Variants in ITFG1 observed in about 807,000 individuals in gnomAD.
ITFG1 encodes integrin alpha FG-GAP repeat containing 1.
Under a neutral mutation model 81.8 loss-of-function variants are expected in ITFG1, and 34 were observed. The observed-to-expected ratio is 0.42, with a 90% CI of 0.32 to 0.55. The LOEUF is 0.55. ITFG1 is among the 20% of genes least tolerant of loss of function. The probability of loss-of-function intolerance (pLI) is 0.17; values close to 1 mark genes in which losing one functional copy is unlikely to be tolerated. For synonymous variants in ITFG1, 285 were observed against 270.6 expected, an observed-to-expected ratio of 1.05 and a Z score of -0.52; for missense variants, 672 against 755.4, an observed-to-expected ratio of 0.89 and a Z score of 1.29.
chr16:47,195,587 A>G (rs559498556), intron 14 of ITFG1, among the ~76,000 whole-genome samples: 1 of 152,310 alleles, frequency 6.6e-6, no homozygotes, highest in African/African-American at 2.4e-5. Context: ...CCTTATGTAG[A>G]TACAAGTTTC....
chr16:47,459,037 G>C, intron 2 of ITFG1, 66 bp downstream of exon 2: 1 of 960,512 alleles, frequency 1.0e-6, no homozygotes, highest in Admixed American at 1.8e-5. Context: ...CAACCAATCA[G>C]CTACTGCATA....
intron 8 of ITFG1, among the ~76,000 whole-genome samples, chr16:47,329,386 T>G (rs778963591): frequency 6.6e-6 from 1 of 152,156 alleles, no homozygotes; most frequent in Non-Finnish European, 1.5e-5. Flanking sequence ...CATTCTAAAA[T>G]GCTACCAGCA....
At chr16:47,307,255 T>C (rs561130618) in intron 10 of ITFG1, among the ~76,000 whole-genome samples, 5 of 152,116 alleles carry the variant, frequency 3.3e-5, no homozygotes, top group East Asian at 1.9e-4. Context: ...TTTATACCTA[T>C]AAATTTAGTG....
chr16:47,427,499 T>C (rs1969037889), intron 6 of ITFG1, among the ~76,000 whole-genome samples: 1 of 151,912 alleles, frequency 6.6e-6, no homozygotes, highest in African/African-American at 2.4e-5. Flanking sequence ...TCTACTAAAA[T>C]ACAAAAAAAT....
intron 14 of ITFG1, among the ~76,000 whole-genome samples, chr16:47,217,135 T>C (rs537736838): frequency 9.9e-6 from 1 of 101,348 alleles, no homozygotes; most frequent in South Asian, 3.7e-4. Context: ...ACACAATGTA[T>C]CATTATATGA....
intron 10 of ITFG1, among the ~76,000 whole-genome samples, chr16:47,292,516 C>T (rs1966920835): frequency 6.6e-6 from 1 of 152,086 alleles, no homozygotes; most frequent in African/African-American, 2.4e-5. Flanking sequence ...ACTTTTCTCC[C>T]TTTTATTTAC....
intron 5 of ITFG1, among the ~76,000 whole-genome samples, chr16:47,433,857 AATATATAT>A (rs4038737): frequency 0.063 from 2,395 of 38,164 alleles, 63 homozygotes; most frequent in East Asian, 0.11. Flanking sequence ...ATAAAAACTG[AATATATAT>A]ATATATATAT....
intron 6 of ITFG1, among the ~76,000 whole-genome samples, chr16:47,427,116 A>G (rs1969032765): frequency 6.6e-6 from 1 of 152,180 alleles, no homozygotes; most frequent in Non-Finnish European, 1.5e-5. Context: ...CAGTAGAGTG[A>G]CAGATTTAGT....
chr16:47,273,569 C>T (rs1003463636), intron 10 of ITFG1, among the ~76,000 whole-genome samples: 2 of 152,048 alleles, frequency 1.3e-5, no homozygotes, highest in East Asian at 1.9e-4. Context: ...CCATTTATCC[C>T]CAGTCAGTGT....
At chr16:47,251,638 TATCCAAAGGGACATGTTCC>T (rs1966077202) in intron 12 of ITFG1, among the ~76,000 whole-genome samples, 1 of 152,230 alleles carries the variant, frequency 6.6e-6, no homozygotes, top group African/African-American at 2.4e-5. Flanking sequence ...AGCCCCCACT[TATCCAAAGGGACATGTTCC>T]AAGAGCACCA....
intron 7 of ITFG1, among the ~76,000 whole-genome samples, chr16:47,373,311 TTG>T (rs369181838): frequency 4.0e-4 from 61 of 152,182 alleles, no homozygotes; most frequent in African/African-American, 1.5e-3. Flanking sequence ...AGATGGAGTT[TTG>T]CTCTTGTCGC....
chr16:47,232,309 T>A (rs1354508068), intron 13 of ITFG1, among the ~76,000 whole-genome samples: 4 of 152,254 alleles, frequency 2.6e-5, no homozygotes, highest in Non-Finnish European at 4.4e-5. Flanking sequence ...AAATAACTTT[T>A]CCAAAATTAC....
chr16:47,434,395 G>C (rs1248596296), intron 5 of ITFG1, among the ~76,000 whole-genome samples: 2 of 150,418 alleles, frequency 1.3e-5, no homozygotes, highest in Non-Finnish European at 3.0e-5. Context: ...CAAAGAATGT[G>C]AACAGATACT....
intron 10 of ITFG1, among the ~76,000 whole-genome samples, chr16:47,290,611 T>G (rs911470352): frequency 3.9e-5 from 6 of 152,190 alleles, no homozygotes; most frequent in African/African-American, 1.4e-4. Context: ...TTTTTATAAA[T>G]AAATGTAGCG....
intron 9 of ITFG1, among the ~76,000 whole-genome samples, 175 bp from the exon 10 acceptor site, chr16:47,311,587 G>GA (rs5816574): frequency 0.12 from 17,933 of 148,474 alleles, 2,312 homozygotes; most frequent in African/African-American, 0.33. Flanking sequence ...GACACTCTGG[G>GA]AAAAAAAAAA....
intron 14 of ITFG1, among the ~76,000 whole-genome samples, chr16:47,169,836 T>G (rs1201827843): frequency 6.6e-6 from 1 of 152,216 alleles, no homozygotes; most frequent in Non-Finnish European, 1.5e-5. Context: ...TAAATGCCCT[T>G]TGTGATGTTA....
intron 10 of ITFG1, among the ~76,000 whole-genome samples, chr16:47,277,152 T>C (rs1966406071): frequency 6.6e-6 from 1 of 152,324 alleles, no homozygotes; most frequent in East Asian, 1.9e-4. Context: ...CACAATTACA[T>C]GTAAAAATGT....
intron 14 of ITFG1, among the ~76,000 whole-genome samples, chr16:47,174,187 A>C (rs1471031807): frequency 1.3e-5 from 2 of 152,220 alleles, no homozygotes; most frequent in Non-Finnish European, 2.9e-5. Flanking sequence ...TGAATTAATT[A>C]ACAATGCAGT....
intron 17 of ITFG1, among the ~76,000 whole-genome samples, chr16:47,158,209 C>T (rs1398383542): frequency 6.6e-6 from 1 of 152,184 alleles, no homozygotes; most frequent in Non-Finnish European, 1.5e-5. Flanking sequence ...ATTCTCCGAC[C>T]TCAGCCTCCT....
Sources: gnomAD v4.1 joint callset for allele counts (sites outside exome capture counted in the v4.1 genomes callset) on GRCh38, gnomAD v4.1.1 for gene constraint, MANE v1.5 for transcripts, NCBI Gene and HGNC (gene_info 2026-07-23, HGNC 2026-07-21) for gene names.